Variants in WDR17 observed in about 807,000 individuals in gnomAD.
WDR17 encodes WD repeat-containing protein 17.
In WDR17, 143 loss-of-function variants were observed where a neutral mutation model predicts 161.7. The observed-to-expected ratio is 0.88, with a 90% CI of 0.77 to 1.02. WDR17 has a LOEUF of 1.02. WDR17 is among the 50% of genes least tolerant of loss of function. The probability of loss-of-function intolerance (pLI) is 0.00; values close to 1 mark genes in which losing one functional copy is unlikely to be tolerated. For synonymous variants in WDR17, 517 were observed against 515.6 expected (o/e 1.00, Z -0.04); for missense variants, 1,469 against 1,520.9 (o/e 0.97, Z 0.57).
rs756790131 is a variant in WDR17 at position 176,148,141 on chromosome 4, G to A, written c.1703G>A (p.Arg568Gln). Reference protein sequence around the residue: ...LCSGSDDGTVRIWDYTQDACI... With the variant: ...LCSGSDDGTVQIWDYTQDACI... ...TAATATTCTGTTTTCAGTACCGTTC[G>A]AATCTGGGATTATACTCAGGATGCT... Residue 568 changes from arginine (R) to glutamine (Q), a missense_variant, in exon 13 of 29, where the codon CGA becomes CAA. Arg to Gln is a conservative substitution (Grantham distance 43). Coordinates refer to ENST00000508596, the MANE Select transcript of WDR17 (RefSeq NM_181265.4). 13 of 1,613,596 alleles carry A rather than the reference G, an allele frequency of 8.1e-6. No homozygotes were observed. In the South Asian group the frequency reaches 9.9e-5, roughly 12 times the overall value.
intron 1 of WDR17, among the ~76,000 whole-genome samples, chr4:176,068,723 A>T (rs1000356129): frequency 1.3e-5 from 2 of 152,212 alleles, no homozygotes; most frequent in African/African-American, 4.8e-5. Context: ...GTACTTTTTG[A>T]TACCCAAGAC....
At chr4:176,096,165 C>A (rs1184037145) in intron 1 of WDR17, among the ~76,000 whole-genome samples, 1 of 151,856 alleles carries the variant, frequency 6.6e-6, no homozygotes, top group African/African-American at 2.4e-5. Flanking sequence ...TTTATGGATA[C>A]CTTATTTTTA....
At chr4:176,089,772 C>G (rs1010279085) in intron 1 of WDR17, among the ~76,000 whole-genome samples, 2 of 152,094 alleles carry the variant, frequency 1.3e-5, no homozygotes, top group Admixed American at 1.3e-4. Context: ...AGCCTGCTCC[C>G]TAGGGTATGA....
intron 1 of WDR17, among the ~76,000 whole-genome samples, chr4:176,094,152 C>A (rs1466011953): frequency 2.6e-5 from 4 of 152,102 alleles, no homozygotes; most frequent in Non-Finnish European, 5.9e-5. Flanking sequence ...AGCTGCTTCC[C>A]CACAAGGAAT....
At chr4:176,165,708 T>C (rs1440470257) in intron 22 of WDR17, among the ~76,000 whole-genome samples, 1 of 152,208 alleles carries the variant, frequency 6.6e-6, no homozygotes, top group Non-Finnish European at 1.5e-5. Context: ...AAGGTCTTTA[T>C]CTACATCTGC....
chr4:176,105,061 G>A (rs1738483461), intron 1 of WDR17, among the ~76,000 whole-genome samples: 1 of 151,610 alleles, frequency 6.6e-6, no homozygotes, highest in African/African-American at 2.4e-5. Flanking sequence ...GCACAGAGTA[G>A]CAAAAAGAAA....
intron 1 of WDR17, among the ~76,000 whole-genome samples, chr4:176,105,720 CA>C (rs1023568796): frequency 2.6e-5 from 4 of 152,140 alleles, no homozygotes; most frequent in African/African-American, 7.2e-5. Context: ...GAATCAATGC[CA>C]GGGGGCAAAT....
At chr4:176,081,639 A>C (rs1734758385) in intron 1 of WDR17, among the ~76,000 whole-genome samples, 1 of 152,176 alleles carries the variant, frequency 6.6e-6, no homozygotes, top group African/African-American at 2.4e-5. Flanking sequence ...ATGGTGCAAC[A>C]ATAGTGTTAG....
chr4:176,156,120 A>T lies in WDR17; in HGVS notation c.2502A>T (p.Lys834Asn). The change falls in exon 18 of 29, where the codon AAA (lysine) becomes AAT (asparagine). Residue 834 changes from lysine (K) to asparagine (N), a missense_variant. Transcript: ENST00000508596. ...CAATTGCACCAGGAGTCTCTGTGAA[A>T]TACTGGAAGAAGTTAATGCAGAGGT... ...ALSIAPGVSV[K>N]YWKKLMQRRA... 6.2e-7 allele frequency: 1 copy of T among 1,613,720 alleles called. No individual in the cohort carries two copies. The highest frequency in any genetic ancestry group is 8.5e-7 in the Non-Finnish European group (1 of 1,179,776).
chr4:176,131,260 A>G (rs1414493747), intron 6 of WDR17, among the ~76,000 whole-genome samples: 1 of 152,188 alleles, frequency 6.6e-6, no homozygotes, highest in African/African-American at 2.4e-5. Context: ...AGAAATAATC[A>G]TGCTGAGCTT....
intron 1 of WDR17, among the ~76,000 whole-genome samples, chr4:176,078,689 C>T (rs1734364063): frequency 6.6e-6 from 1 of 151,988 alleles, no homozygotes; most frequent in African/African-American, 2.4e-5. Flanking sequence ...TGCTGCTTAT[C>T]TCTCCAATTC....
chr4:176,160,901 T>C lies in WDR17; in HGVS notation c.2659-10T>C. On this transcript the variant is annotated splice_polypyrimidine_tract_variant and intron_variant, in intron 19 of 28. Coordinates refer to ENST00000508596, the MANE Select transcript of WDR17 (RefSeq NM_181265.4). Reference sequence around the variant, plus strand: ...GCTAAAGAATAATTCAACATTTAATTAAATTCTAGGCTGCTTGTGAAGGAA... The same window carrying C: ...GCTAAAGAATAATTCAACATTTAATCAAATTCTAGGCTGCTTGTGAAGGAA... 6.3e-7 allele frequency: 1 copy of C among 1,575,884 alleles called. No homozygotes were observed. The highest frequency in any genetic ancestry group is 8.6e-7 in the Non-Finnish European group (1 of 1,162,378).
At chr4:176,132,019 G>A (rs753531798) in intron 7 of WDR17, among the ~76,000 whole-genome samples, 1 of 152,002 alleles carries the variant, frequency 6.6e-6, no homozygotes, top group Non-Finnish European at 1.5e-5. Context: ...AGCAAAATGA[G>A]AATAGAATGT....
At chr4:176,077,360 G>T (rs935288080) in intron 1 of WDR17, among the ~76,000 whole-genome samples, 1 of 151,742 alleles carries the variant, frequency 6.6e-6, no homozygotes, top group Admixed American at 6.6e-5. Context: ...TAAATTGGGG[G>T]CATTTAATGA....
intron 22 of WDR17, among the ~76,000 whole-genome samples, chr4:176,165,839 C>T (rs554223929): frequency 6.6e-6 from 1 of 152,218 alleles, no homozygotes; most frequent in South Asian, 2.1e-4. Context: ...TTGTAACGCC[C>T]CCATCCCAAC....
In WDR17 at chr4:176,131,634, C is replaced by A. The variant is rs1323629755; in HGVS notation, c.994C>A (p.Gln332Lys). 2 of 1,613,778 alleles carry A rather than the reference C, an allele frequency of 1.2e-6. No individual in the cohort carries two copies. Among genetic ancestry groups the A allele is most frequent in the East Asian group, 2.2e-5 (1 of 44,820 alleles). Reference protein sequence around the residue: ...AVPPPTLTQNQAFSLPPGHAV... With the variant: ...AVPPPTLTQNKAFSLPPGHAV... ...TCCACCCCCAACTTTAACACAGAAT[C>A]AAGCATTTTCTCTTCCTCCTGGTCA... is the stretch of plus-strand genomic sequence containing the variant. Residue 332 changes from glutamine (Q) to lysine (K), a missense_variant, in exon 7 of 29, where the codon CAA becomes AAA. By Grantham distance (53) the Gln-to-Lys change is moderately conservative. Transcript: ENST00000508596.
At chr4:176,162,789 G>C (rs1016920140) in intron 21 of WDR17, among the ~76,000 whole-genome samples, 1 of 152,060 alleles carries the variant, frequency 6.6e-6, no homozygotes, top group Non-Finnish European at 1.5e-5. Flanking sequence ...TTTAGGAAAT[G>C]ATAGATAACT....
At chr4:176,132,619 T>C (rs1743646124) in intron 7 of WDR17, among the ~76,000 whole-genome samples, 1 of 151,996 alleles carries the variant, frequency 6.6e-6, no homozygotes, top group Admixed American at 6.6e-5. Context: ...GAAAAAATGA[T>C]TTATAGCAAA....
chr4:176,094,688 G>A (rs1736589323), intron 1 of WDR17, among the ~76,000 whole-genome samples: 1 of 152,160 alleles, frequency 6.6e-6, no homozygotes, highest in African/African-American at 2.4e-5. Flanking sequence ...AGTGGCATTA[G>A]TAATGAAGAT....
Sources: allele counts gnomAD v4.1 joint callset (sites outside exome capture counted in the v4.1 genomes callset), GRCh38; gene constraint gnomAD v4.1.1; transcripts MANE v1.5; gene names NCBI Gene and HGNC (gene_info 2026-07-23, HGNC 2026-07-21).